RANBP2: variants seen among roughly 807,000 people sequenced by gnomAD.
The protein encoded by RANBP2 is E3 SUMO-protein ligase RanBP2.
A neutral mutation model predicts 303.6 loss-of-function variants in RANBP2; 57 were observed. The ratio of observed to expected loss-of-function variants is 0.19; its 90% CI spans 0.15 to 0.23. The LOEUF (loss-of-function observed/expected upper bound fraction) is 0.23, where lower values mean the gene tolerates loss of function less well. RANBP2 is among the 10% of genes least tolerant of loss of function. The pLI is 1.00. For synonymous variants in RANBP2, 1,167 were observed against 1,301.5 expected (o/e 0.90, Z 2.23); for missense variants, 3,138 against 3,780.8 (o/e 0.83, Z 4.46).
chr2:108,819,544 G>A, the RANBP2 span, among the ~76,000 whole-genome samples: 4 of 152,156 alleles, frequency 2.6e-5, no homozygotes, highest in African/African-American at 7.2e-5. Flanking sequence ...GAGGGACACA[G>A]CGATTATGGG....
intron 6 of RANBP2, among the ~76,000 whole-genome samples, chr2:108,738,083 C>CTTT (rs1046517409): frequency 7.3e-6 from 1 of 137,722 alleles, no homozygotes; most frequent in Non-Finnish European, 1.6e-5. Context: ...TGGTCTCAAT[C>CTTT]TTTTTTTTTT....
the RANBP2 span, chr2:109,613,606 G>C: frequency 1.6e-4 from 51 of 315,264 alleles, no homozygotes; most frequent in Admixed American, 3.1e-4. Context: ...GCCGCGCCCA[G>C]GCTCCGCAGA....
chr2:109,010,077 C>T, the RANBP2 span, among the ~76,000 whole-genome samples: 1 of 151,996 alleles, frequency 6.6e-6, no homozygotes, highest in Non-Finnish European at 1.5e-5. Context: ...ATGGATACTT[C>T]CGTTAAAAAA....
the RANBP2 span, chr2:109,129,568 G>T: frequency 1.3e-6 from 2 of 1,487,030 alleles, no homozygotes; most frequent in Admixed American, 4.6e-5. Context: ...CTGGCTGTGC[G>T]CATCCAAGGC....
chr2:109,343,459 C>G, the RANBP2 span, among the ~76,000 whole-genome samples: 2 of 152,076 alleles, frequency 1.3e-5, no homozygotes, highest in Non-Finnish European at 2.9e-5. Flanking sequence ...GTCTGGCAGT[C>G]TGAGATGGGG....
chr2:109,125,914 A>G, the RANBP2 span, among the ~76,000 whole-genome samples: 1 of 152,246 alleles, frequency 6.6e-6, no homozygotes, highest in African/African-American at 2.4e-5. Flanking sequence ...CTGTAGGCCA[A>G]TTTGACCACA....
the RANBP2 span, among the ~76,000 whole-genome samples, chr2:109,356,467 G>A: frequency 6.6e-6 from 1 of 152,200 alleles, no homozygotes; most frequent in Non-Finnish European, 1.5e-5. Flanking sequence ...CGACATGCTT[G>A]GGTTTTAGAT....
the RANBP2 span, among the ~76,000 whole-genome samples, chr2:109,194,546 C>T: frequency 1.3e-5 from 2 of 152,234 alleles, no homozygotes; most frequent in South Asian, 2.1e-4. Flanking sequence ...CACTGAAGGG[C>T]GAGGAGCACC....
chr2:108,809,316 A>G, the RANBP2 span, among the ~76,000 whole-genome samples: 3 of 152,146 alleles, frequency 2.0e-5, no homozygotes, highest in Non-Finnish European at 4.4e-5. Context: ...TCATGATTTC[A>G]TACACAGTTT....
chr2:109,143,809 TACACACACAC>T, the RANBP2 span, among the ~76,000 whole-genome samples: 1 of 148,716 alleles, frequency 6.7e-6, no homozygotes, highest in African/African-American at 2.5e-5. Context: ...CTGTGCTGTA[TACACACACAC>T]ACACACACAC....
the RANBP2 span, chr2:109,449,386 C>T: frequency 1.2e-6 from 2 of 1,612,014 alleles, no homozygotes; most frequent in Non-Finnish European, 1.7e-6. Flanking sequence ...AACGTCAGTG[C>T]CGCAAACCTC....
the RANBP2 span, among the ~76,000 whole-genome samples, chr2:109,508,919 G>A: frequency 6.6e-6 from 1 of 152,232 alleles, no homozygotes; most frequent in Non-Finnish European, 1.5e-5. Flanking sequence ...TACAAGCCCG[G>A]GACGGGGGGA....
the RANBP2 span, among the ~76,000 whole-genome samples, chr2:109,684,677 G>A: frequency 6.6e-6 from 1 of 150,968 alleles, no homozygotes; most frequent in East Asian, 2.0e-4. Flanking sequence ...GGGATTACAG[G>A]TGCACACTAC....
chr2:109,652,398 A>AT, the RANBP2 span, among the ~76,000 whole-genome samples: 11 of 151,218 alleles, frequency 7.3e-5, no homozygotes, highest in Non-Finnish European at 1.5e-4. Context: ...AATTTTTTGT[A>AT]TTTTTTTTAG....
At chr2:109,085,079 C>A in the RANBP2 span, among the ~76,000 whole-genome samples, 1 of 152,150 alleles carries the variant, frequency 6.6e-6, no homozygotes, top group South Asian at 2.1e-4. Context: ...CACCTCCTGG[C>A]CGCCAGGTAA....
At chr2:109,102,438 A>C in the RANBP2 span, among the ~76,000 whole-genome samples, 1 of 152,100 alleles carries the variant, frequency 6.6e-6, no homozygotes, top group East Asian at 1.9e-4. Flanking sequence ...CTTCAAAAAA[A>C]AAAAAATGAA....
the RANBP2 span, among the ~76,000 whole-genome samples, chr2:109,196,257 C>CGCTGCTCTCCTGGGCCCCTGG: frequency 6.6e-6 from 1 of 152,200 alleles, no homozygotes; most frequent in Non-Finnish European, 1.5e-5. Context: ...CTCCTGCATC[C>CGCTGCTCTCCTGGGCCCCTGG]GCTGCTCTCC....
At chr2:109,089,529 C>T in the RANBP2 span, among the ~76,000 whole-genome samples, 1 of 152,204 alleles carries the variant, frequency 6.6e-6, no homozygotes, top group African/African-American at 2.4e-5. Context: ...TTGCTTGAGC[C>T]CAGGAGTTCA....
the RANBP2 span, among the ~76,000 whole-genome samples, chr2:109,062,416 C>T: frequency 1.3e-5 from 2 of 152,078 alleles, no homozygotes; most frequent in Non-Finnish European, 2.9e-5. Context: ...ATTGGAGGGG[C>T]CTCTTCCACT....
Sources: allele counts gnomAD v4.1 joint callset (sites outside exome capture counted in the v4.1 genomes callset), GRCh38; gene constraint gnomAD v4.1.1; transcripts MANE v1.5; gene names NCBI Gene and HGNC (gene_info 2026-07-23, HGNC 2026-07-21).